The following CNTRL variants were observed in gnomAD, a reference collection of about 807,000 sequenced individuals.
The protein encoded by CNTRL is 110 kDa centrosomal protein.
A neutral mutation model predicts 303.7 loss-of-function variants in CNTRL; 233 were observed. The observed-to-expected ratio is 0.77, with a 90% CI of 0.69 to 0.86. The LOEUF (loss-of-function observed/expected upper bound fraction) is 0.86, where lower values mean the gene tolerates loss of function less well. Ranked by LOEUF, CNTRL falls within the 40% of genes least tolerant of loss-of-function variation. CNTRL has a pLI of 0.00. For missense variants in CNTRL, 2,524 were observed against 2,650.6 expected (o/e 0.95, Z 1.05); for synonymous variants, 900 against 922.2 (o/e 0.98, Z 0.44).
At chr9:121,115,330 G>A (rs2049930402) in intron 11 of CNTRL, 130 bp downstream of exon 11, 1 of 503,246 alleles carries the variant, frequency 2.0e-6, no homozygotes, top group Non-Finnish European at 3.5e-6. Context: ...AAATTTCAGA[G>A]TCAAATATGG....
chr9:121,145,666 G>A (rs1715125318), intron 22 of CNTRL, among the ~76,000 whole-genome samples: 1 of 152,146 alleles, frequency 6.6e-6, no homozygotes, highest in South Asian at 2.1e-4. Flanking sequence ...AGGCTGAGGT[G>A]GGTGGATCGC....
At chr9:121,092,990 G>A (rs1427456727) in intron 4 of CNTRL, among the ~76,000 whole-genome samples, 1 of 149,600 alleles carries the variant, frequency 6.7e-6, no homozygotes, top group African/African-American at 2.5e-5. Flanking sequence ...TTTATCTTTA[G>A]TAGAGACAGG....
intron 32 of CNTRL, among the ~76,000 whole-genome samples, 159 bp from the exon 33 acceptor site, chr9:121,161,697 G>T (rs1264829217): frequency 1.3e-5 from 2 of 152,128 alleles, no homozygotes; most frequent in Admixed American, 6.5e-5. Flanking sequence ...TACTTTTAGA[G>T]AATTTTTTAT....
chr9:121,138,794 A>T, intron 16 of CNTRL, 115 bp downstream of exon 16: 1 of 1,035,266 alleles, frequency 9.7e-7, no homozygotes, highest in East Asian at 2.5e-5. Flanking sequence ...TTGAATTACT[A>T]GAAAAAAGGG....
At position 121,107,942 on chromosome 9, in the gene CNTRL, C is replaced by T. The variant is rs1410953412; in HGVS notation, c.949C>T (p.Gln317Ter). 1.9e-6 allele frequency: 3 copies of T among 1,605,382 alleles called. No homozygotes were observed. Among genetic ancestry groups the T allele is most frequent in the Admixed American group, 1.7e-5 (1 of 57,366 alleles). ...ATCATTAAAAGAGGAGGCCATGTTA[C>T]AGAAACAGAGCTGTGAGGAACTCAA... ...NKSLKEEAML[Q>*]KQSCEELKSD... Residue 317 changes from glutamine to a stop codon, truncating the protein, a stop_gained, in exon 8 of 44, where the codon CAG becomes TAG. Transcript: ENST00000373855. LOFTEE classifies it high-confidence loss of function.
chr9:121,088,341 T>C lies in CNTRL; in HGVS notation c.15T>C (p.Ser5=). 6.2e-7 allele frequency: 1 copy of C among 1,612,016 alleles called. No individual in the cohort carries two copies. Among genetic ancestry groups the C allele is most frequent in the South Asian group, 1.1e-5 (1 of 90,978 alleles). Residue 5 remains serine, a synonymous_variant, in exon 3 of 44, where the codon TCT becomes TCC. Coordinates refer to ENST00000373855, the MANE Select transcript of CNTRL (RefSeq NM_007018.6). ...TTATTCTTGCAATGAAGAAAGGTTC[T>C]CAACAAAAAATATTCTCCAAAGCAA... is the stretch of plus-strand genomic sequence containing the variant. MKKG[S]QQKIFSKAKI...
intron 4 of CNTRL, among the ~76,000 whole-genome samples, chr9:121,093,960 A>T (rs920582204): frequency 3.9e-5 from 6 of 152,096 alleles, no homozygotes; most frequent in Admixed American, 3.3e-4. Flanking sequence ...AATACAAAAA[A>T]TTAACCAGGC....
At chr9:121,087,683 TTC>T (rs779078362) in intron 2 of CNTRL, among the ~76,000 whole-genome samples, 66 of 152,090 alleles carry the variant, frequency 4.3e-4, no homozygotes, top group Admixed American at 5.9e-4. Context: ...AAGAGTGAGA[TTC>T]TGTCTCAAAA....
intron 2 of CNTRL, among the ~76,000 whole-genome samples, chr9:121,085,099 G>A (rs556485451): frequency 1.3e-5 from 2 of 152,238 alleles, no homozygotes; most frequent in East Asian, 3.9e-4. Context: ...TTTTCATATA[G>A]CATGAGACAA....
Position 121,141,418 on chromosome 9 carries a change from G to C in CNTRL, c.2521G>C (p.Ala841Pro), listed in dbSNP as rs534301748. 4 of 1,613,900 alleles carry C rather than the reference G, an allele frequency of 2.5e-6. No individual in the cohort carries two copies. The East Asian group carries it at 6.7e-5, about 27-fold the overall frequency. Reference sequence around the variant, plus strand: ...TTCAGATGTCTTAGGGAAAAGTCTTGCTGATTTACAGAAACAATTCAGTGA... The same window carrying C: ...TTCAGATGTCTTAGGGAAAAGTCTTCCTGATTTACAGAAACAATTCAGTGA... The part of the protein sequence containing the change: ...SPSDVLGKSL[A>P]DLQKQFSEIL... The change falls in exon 18 of 44, where the codon GCT becomes CCT. Residue 841 changes from alanine to proline, a missense_variant. Ala to Pro is a conservative substitution (Grantham distance 27). Coordinates refer to ENST00000373855, the MANE Select transcript of CNTRL (RefSeq NM_007018.6).
intron 40 of CNTRL, among the ~76,000 whole-genome samples, chr9:121,171,969 T>C (rs1464106936): frequency 6.6e-6 from 1 of 152,172 alleles, no homozygotes; most frequent in African/African-American, 2.4e-5. Flanking sequence ...AACCAGTTCA[T>C]GCCTGGACTG....
At chr9:121,146,374 G>A (rs1314409138) in intron 23 of CNTRL, 118 bp downstream of exon 23, 2 of 1,005,764 alleles carry the variant, frequency 2.0e-6, no homozygotes, top group Admixed American at 2.9e-5. Context: ...GCTAAGCCGT[G>A]CATTGAGGTT....
At position 121,142,255 on chromosome 9, in the gene CNTRL, A is replaced by C. The variant is rs747156010; in HGVS notation, c.2856A>C (p.Arg952=). 2 of 1,600,916 alleles carry C rather than the reference A, an allele frequency of 1.2e-6. No homozygotes were observed. The highest frequency in any genetic ancestry group is 1.7e-6 in the Non-Finnish European group (2 of 1,176,608). Residue 952 remains arginine (R), a synonymous_variant, in exon 19 of 44, where the codon CGA becomes CGC. Coordinates refer to ENST00000373855, the MANE Select transcript of CNTRL (RefSeq NM_007018.6). ...EEKERILAQL[R]ELEKKKKLED... ...AGGAGAGAATTCTGGCCCAACTCCGAGAGTTAGAGAAAAAGGTAGGGGAGA... is the reference window on the plus strand; with the variant it reads ...AGGAGAGAATTCTGGCCCAACTCCGCGAGTTAGAGAAAAAGGTAGGGGAGA...
intron 27 of CNTRL, 184 bp downstream of exon 27, chr9:121,155,097 C>A (rs914037439): frequency 3.2e-5 from 19 of 597,404 alleles, no homozygotes; most frequent in Admixed American, 1.2e-4. Context: ...TATAAGTCCC[C>A]TGGCTTTGCT....
At chr9:121,103,067 C>A (rs1342046298) in intron 7 of CNTRL, among the ~76,000 whole-genome samples, 5 of 152,112 alleles carry the variant, frequency 3.3e-5, no homozygotes, top group Admixed American at 3.3e-4. Flanking sequence ...TCATATGGAA[C>A]CAAAAAAGAG....
At chr9:121,158,695 C>T (rs1406200074) in intron 30 of CNTRL, 160 bp from the exon 31 acceptor site, 2 of 653,568 alleles carry the variant, frequency 3.1e-6, no homozygotes, top group Non-Finnish European at 5.4e-6. Flanking sequence ...TCAAGGTTTT[C>T]ATTAGGCATT....
At chr9:121,118,564 C>T in intron 12 of CNTRL, 24 bp downstream of exon 12, 4 of 1,546,162 alleles carry the variant, frequency 2.6e-6, no homozygotes, top group Non-Finnish European at 3.5e-6. Flanking sequence ...GAAATTTTGA[C>T]TTGTTCTGTC....
At chr9:121,148,493 G>C (rs1227958642) in intron 23 of CNTRL, among the ~76,000 whole-genome samples, 179 bp from the exon 24 acceptor site, 1 of 152,168 alleles carries the variant, frequency 6.6e-6, no homozygotes, top group Non-Finnish European at 1.5e-5. Flanking sequence ...ATTGTGTATG[G>C]AACTGCAGTT....
In CNTRL at chr9:121,173,240, T is replaced by C. The variant is rs369968325; in HGVS notation, c.6418-3T>C. On this transcript the variant is annotated splice_polypyrimidine_tract_variant and splice_region_variant and intron_variant, in intron 40 of 43. Transcript: ENST00000373855. ...TGATATTTGACACCAACTCACTGTT[T>C]AGATGGCAAACCAAAAAGATTTGGA... is the stretch of plus-strand genomic sequence containing the variant. 64 of 1,605,362 alleles carry C rather than the reference T, an allele frequency of 4.0e-5. No individual in the cohort carries two copies. Among genetic ancestry groups the C allele is most frequent in the Non-Finnish European group, 4.8e-5 (57 of 1,175,320 alleles).
Sources: gnomAD v4.1 joint callset for allele counts (sites outside exome capture counted in the v4.1 genomes callset) on GRCh38, gnomAD v4.1.1 for gene constraint, MANE v1.5 for transcripts, NCBI Gene and HGNC (gene_info 2026-07-23, HGNC 2026-07-21) for gene names.